The following ZBBX variants were observed in gnomAD, a reference collection of about 807,000 sequenced individuals.
The protein encoded by ZBBX is zinc finger B-box domain containing, also known as zinc finger B-box domain-containing protein 1.
In ZBBX, 101 loss-of-function variants were observed where a neutral mutation model predicts 108.5. That is an observed-to-expected ratio of 0.93 (90% CI 0.79 to 1.10). The LOEUF (loss-of-function observed/expected upper bound fraction) is 1.10. Among genes scored for constraint, ZBBX ranks in the 50% least tolerant of loss-of-function variants. The pLI, the probability that ZBBX is intolerant of heterozygous loss-of-function variation, is 0.00. For synonymous variants in ZBBX, 356 were observed against 323.4 expected, an observed-to-expected ratio of 1.10 and a Z score of -1.08; for missense variants, 1,009 against 941.4, an observed-to-expected ratio of 1.07 and a Z score of -0.94.
chr3:167,283,753 C>G (rs1047211081), intron 19 of ZBBX, among the ~76,000 whole-genome samples: 1 of 152,112 alleles, frequency 6.6e-6, no homozygotes, highest in East Asian at 1.9e-4. Context: ...TCAAGCGATT[C>G]TCCTGCCCCA....
At chr3:167,400,082 CA>C (rs1748374374) in intron 1 of ZBBX, among the ~76,000 whole-genome samples, 1 of 152,170 alleles carries the variant, frequency 6.6e-6, no homozygotes. Flanking sequence ...ATATGTACTA[CA>C]TTTTCTTTAT....
At chr3:167,246,285 T>A (rs9681183) in intron 20 of ZBBX, among the ~76,000 whole-genome samples, 48,980 of 152,158 alleles carry the variant, frequency 0.32, 8,361 homozygotes, top group East Asian at 0.65. Flanking sequence ...GCAAAAAGAC[T>A]GTCATTCTAT....
chr3:167,190,593 G>T, the ZBBX span, among the ~76,000 whole-genome samples: 1 of 152,044 alleles, frequency 6.6e-6, no homozygotes, highest in Non-Finnish European at 1.5e-5. Flanking sequence ...TGTTAGCCAG[G>T]ATGGTCTCGA....
At chr3:167,296,037 A>C (rs1226024568) in intron 18 of ZBBX, among the ~76,000 whole-genome samples, 1 of 151,884 alleles carries the variant, frequency 6.6e-6, no homozygotes, top group African/African-American at 2.4e-5. Flanking sequence ...GCAGCATATT[A>C]AAAACGGTTA....
chr3:167,248,193 GCAGGCAAAGGCCAAGC>G (rs1477204993), intron 20 of ZBBX, among the ~76,000 whole-genome samples: 1 of 152,138 alleles, frequency 6.6e-6, no homozygotes, highest in Non-Finnish European at 1.5e-5. Flanking sequence ...CATGCCAGCA[GCAGGCAAAGGCCAAGC>G]CCAACAGCCA....
chr3:167,340,480 T>A (rs886600645), intron 9 of ZBBX, among the ~76,000 whole-genome samples: 3 of 152,074 alleles, frequency 2.0e-5, no homozygotes, highest in Non-Finnish European at 4.4e-5. Context: ...AAGGTGAGCA[T>A]TATCTCTCAA....
the ZBBX span, among the ~76,000 whole-genome samples, chr3:167,226,167 A>T: frequency 6.6e-6 from 1 of 151,812 alleles, no homozygotes; most frequent in Non-Finnish European, 1.5e-5. Context: ...GACAACAATA[A>T]TAAAAGAGTT....
chr3:167,238,623 G>GT (rs1720327930), downstream of ZBBX, among the ~76,000 whole-genome samples: 3 of 152,046 alleles, frequency 2.0e-5, no homozygotes, highest in African/African-American at 7.2e-5. Context: ...AGACAAAAGA[G>GT]TTTGAGTCTG....
Position 167,288,958 on chromosome 3 carries a change from A to G in ZBBX, c.1905T>C (p.His635=). 1.3e-6 allele frequency: 2 copies of G among 1,538,852 alleles called. No homozygotes were observed. Among genetic ancestry groups the G allele is most frequent in the Non-Finnish European group, 1.8e-6 (2 of 1,139,482 alleles). Residue 635 remains histidine, a synonymous_variant, in exon 19 of 22, where the codon CAT becomes CAC. Transcript: ENST00000675490. ...LAEDREWIPD[H]SLSEYADNAI... The stretch of plus-strand genomic sequence containing the variant: ...CATTATCAGCATATTCACTTAAGCT[A>G]TGGTCTGGAATCCATTCTCTGTCTT...
chr3:167,338,546 A>AG (rs1214884083), intron 9 of ZBBX, among the ~76,000 whole-genome samples: 1 of 151,818 alleles, frequency 6.6e-6, no homozygotes, highest in Non-Finnish European at 1.5e-5. Flanking sequence ...CAGATCAAAA[A>AG]AAAAAAAGTT....
At chr3:167,300,579 A>G (rs1732468535) in intron 17 of ZBBX, among the ~76,000 whole-genome samples, 2 of 151,326 alleles carry the variant, frequency 1.3e-5, no homozygotes, top group Non-Finnish European at 2.9e-5. Context: ...TATACCAGCC[A>G]CACACACATT....
intron 16 of ZBBX, among the ~76,000 whole-genome samples, chr3:167,312,167 A>G (rs977640068): frequency 6.6e-6 from 1 of 152,176 alleles, no homozygotes; most frequent in Non-Finnish European, 1.5e-5. Context: ...TTATTAAGTT[A>G]AAGAATCCAA....
chr3:167,195,706 C>G, the ZBBX span, among the ~76,000 whole-genome samples: 1 of 152,088 alleles, frequency 6.6e-6, no homozygotes, highest in East Asian at 1.9e-4. Flanking sequence ...AAAATTGAAG[C>G]CAACGGTAGC....
At chr3:167,217,844 A>C in the ZBBX span, among the ~76,000 whole-genome samples, 3 of 152,124 alleles carry the variant, frequency 2.0e-5, no homozygotes, top group Non-Finnish European at 4.4e-5. Flanking sequence ...TAACATCTTT[A>C]ACAAACTAAT....
chr3:167,317,016 C>T lies in ZBBX; in HGVS notation c.1183G>A (p.Glu395Lys), dbSNP rs750732013. Residue 395 changes from glutamate to lysine, a missense_variant, in exon 14 of 22, where the codon GAA becomes AAA. Physicochemically the swap from Glu to Lys is moderately conservative, Grantham distance 56. Transcript: ENST00000675490. ...ACTTATGCACTTACATCATCCAGTT[C>T]GACTATCTTTAGAGATGGTTCAGGT... ...ERPEPSLKIV[E>K]LDDTYEEEFE... The T allele has an allele frequency of 4.7e-5, 75 of 1,596,088 alleles. No homozygotes were observed. Among genetic ancestry groups the T allele is most frequent in the Non-Finnish European group, 6.2e-5 (72 of 1,167,762 alleles).
Position 167,292,763 on chromosome 3 carries a change from C to G in ZBBX, c.1880-3780G>C, listed in dbSNP as rs374349616. 1.0e-3 allele frequency among the ~76,000 whole-genome samples: 158 copies of G among 152,178 alleles called. 1 individual carries two copies. The highest frequency in any genetic ancestry group is 3.8e-3 in the African/African-American group (156 of 41,530). On this transcript the variant is annotated intron_variant, in intron 18 of 21. Transcript: ENST00000675490. Reference sequence around the variant, plus strand: ...TTCAAAAAACCAATGAATCCAGGAGCTGTTTATTTGAAAAGACCAACAAAG... The same window carrying G: ...TTCAAAAAACCAATGAATCCAGGAGGTGTTTATTTGAAAAGACCAACAAAG...
At chr3:167,231,365 G>C in the ZBBX span, among the ~76,000 whole-genome samples, 1 of 151,762 alleles carries the variant, frequency 6.6e-6, no homozygotes, top group African/African-American at 2.4e-5. Flanking sequence ...TCATGAGAGC[G>C]TGGTGTCCTT....
At chr3:167,397,990 T>C (rs1182398890) in intron 1 of ZBBX, among the ~76,000 whole-genome samples, 1 of 151,816 alleles carries the variant, frequency 6.6e-6, no homozygotes, top group Non-Finnish European at 1.5e-5. Context: ...GCTGGCAGCA[T>C]CCTAACATCT....
chr3:167,252,964 C>A (rs929901609), intron 20 of ZBBX, among the ~76,000 whole-genome samples: 1 of 152,150 alleles, frequency 6.6e-6, no homozygotes, highest in Admixed American at 6.5e-5. Context: ...TCAGACTTCA[C>A]ATACTTTATT....
Sources: gnomAD v4.1 joint callset for allele counts (sites outside exome capture counted in the v4.1 genomes callset) on GRCh38, gnomAD v4.1.1 for gene constraint, MANE v1.5 for transcripts, NCBI Gene and HGNC (gene_info 2026-07-23, HGNC 2026-07-21) for gene names.